Variants in ZNF138 observed in about 807,000 individuals in gnomAD.
ZNF138 encodes zinc finger protein 138 (clone pHZ-32).
Under a neutral mutation model 33.0 loss-of-function variants are expected in ZNF138, and 33 were observed. That is an observed-to-expected ratio of 1.00 (90% CI 0.76 to 1.34). The LOEUF is 1.34. Among genes scored for constraint, ZNF138 ranks in the 40% most tolerant of loss-of-function variants. The pLI, the probability that ZNF138 is intolerant of heterozygous loss-of-function variation, is 0.00. For synonymous variants in ZNF138, 139 were observed against 120.4 expected (o/e 1.15, Z -1.01); for missense variants, 360 against 370.8 (o/e 0.97, Z 0.24).
rs1212820760 is a variant in ZNF138, at chr7:64,809,472, GCGGC to G, written c.4-5445_4-5442del. Among the ~76,000 whole-genome samples, 71 of 12,512 alleles carry G rather than the reference GCGGC, an allele frequency of 5.7e-3. 5 individuals carry two copies. The highest frequency in any genetic ancestry group is 9.8e-3 in the Non-Finnish European group (44 of 4,484). The allele number at this position is 12,512 out of a possible 152,430, so 8.2% of individuals were successfully genotyped here. On this transcript the variant is annotated intron_variant, in intron 1 of 3. Transcript: ENST00000307355. ...CCCCTGAACCTCCCTCCCGGATGGG[GCGGC>G]TGGCCGGGCGGGGGGCTGACCCCCC...
the ZNF138 span, among the ~76,000 whole-genome samples, chr7:64,846,681 G>C: frequency 2.6e-5 from 4 of 152,028 alleles, no homozygotes; most frequent in Non-Finnish European, 5.9e-5. Context: ...GTGCTTTCTA[G>C]GTATACAATT....
chr7:64,843,371 A>C, the ZNF138 span, among the ~76,000 whole-genome samples: 1 of 152,226 alleles, frequency 6.6e-6, no homozygotes. Flanking sequence ...TTTTTTTGAG[A>C]AATCCTTATT....
At chr7:64,858,720 A>G in the ZNF138 span, among the ~76,000 whole-genome samples, 1 of 152,234 alleles carries the variant, frequency 6.6e-6, no homozygotes, top group African/African-American at 2.4e-5. Flanking sequence ...TACACTCTGC[A>G]TAGAAATGAG....
downstream of ZNF138, among the ~76,000 whole-genome samples, chr7:64,835,070 A>G (rs574382943): frequency 6.6e-5 from 10 of 152,212 alleles, no homozygotes; most frequent in South Asian, 1.0e-3. Flanking sequence ...AGGAGTGGGC[A>G]GGGTAGGGGC....
the ZNF138 span, among the ~76,000 whole-genome samples, chr7:64,848,517 GCTAT>G: frequency 4.6e-5 from 7 of 151,634 alleles, no homozygotes; most frequent in African/African-American, 1.2e-4. Context: ...TTTCGTTTAT[GCTAT>G]CTATTTCACT....
the ZNF138 span, among the ~76,000 whole-genome samples, chr7:64,840,273 C>G: frequency 6.6e-6 from 1 of 152,078 alleles, no homozygotes; most frequent in Non-Finnish European, 1.5e-5. Context: ...CCTATCCTAC[C>G]TTACTCAAGG....
chr7:64,810,782 C>G (rs1608894), intron 1 of ZNF138, among the ~76,000 whole-genome samples: 29,793 of 152,082 alleles, frequency 0.2, 3,880 homozygotes, highest in Non-Finnish European at 0.27. Context: ...CTGGCCCCAC[C>G]CTGGAGTCTT....
chr7:64,799,951 G>A (rs1787011097), intron 1 of ZNF138, among the ~76,000 whole-genome samples: 1 of 152,194 alleles, frequency 6.6e-6, no homozygotes, highest in Non-Finnish European at 1.5e-5. Flanking sequence ...CCCAGCCTGG[G>A]ATTATGTTTT....
intron 3 of ZNF138, among the ~76,000 whole-genome samples, chr7:64,816,305 T>A (rs1490400583): frequency 1.3e-5 from 2 of 152,084 alleles, no homozygotes; most frequent in African/African-American, 4.8e-5. Flanking sequence ...CATGGCACTT[T>A]AACAAAATTT....
At chr7:64,802,854 CT>C (rs1787255319) in intron 1 of ZNF138, among the ~76,000 whole-genome samples, 1 of 152,054 alleles carries the variant, frequency 6.6e-6, no homozygotes, top group Non-Finnish European at 1.5e-5. Context: ...AGTCACCCCC[CT>C]GCCCAACAGA....
chr7:64,853,309 T>G, the ZNF138 span: 1 of 1,611,008 alleles, frequency 6.2e-7, no homozygotes, highest in Non-Finnish European at 8.5e-7. Context: ...CGGAAGCTTT[T>G]GTCCAATTCG....
chr7:64,818,153 T>C (rs1477192739), intron 3 of ZNF138, among the ~76,000 whole-genome samples: 1 of 151,268 alleles, frequency 6.6e-6, no homozygotes, highest in Non-Finnish European at 1.5e-5. Flanking sequence ...CCAGCTAATT[T>C]TGTTGTATTT....
At chr7:64,803,258 G>GTTTT (rs60101981) in intron 1 of ZNF138, among the ~76,000 whole-genome samples, 136 of 113,038 alleles carry the variant, frequency 1.2e-3, no homozygotes, top group East Asian at 9.3e-3. Context: ...TTTGGCAAAG[G>GTTTT]TTTTTTTTTT....
intron 1 of ZNF138, among the ~76,000 whole-genome samples, chr7:64,811,944 G>C (rs1269390829): frequency 6.6e-6 from 1 of 152,184 alleles, no homozygotes; most frequent in East Asian, 1.9e-4. Context: ...TAAAGCTTGA[G>C]AGGTAATGCT....
chr7:64,804,356 G>A (rs1425039343), intron 1 of ZNF138, among the ~76,000 whole-genome samples: 5 of 152,112 alleles, frequency 3.3e-5, no homozygotes, highest in Admixed American at 6.6e-5. Context: ...TTGCTCAATT[G>A]ATCACAGCCT....
At chr7:64,853,917 C>A in the ZNF138 span, among the ~76,000 whole-genome samples, 20 of 151,806 alleles carry the variant, frequency 1.3e-4, no homozygotes, top group Admixed American at 3.9e-4. Context: ...CATCTTTAAT[C>A]GTTTGAACCC....
At chr7:64,822,517 A>G (rs569823138) in intron 3 of ZNF138, among the ~76,000 whole-genome samples, 1 of 151,602 alleles carries the variant, frequency 6.6e-6, no homozygotes, top group African/African-American at 2.4e-5. Context: ...GTGTTATCCA[A>G]TTTTCAACAT....
intron 1 of ZNF138, among the ~76,000 whole-genome samples, chr7:64,799,664 A>G (rs1786980794): frequency 6.6e-6 from 1 of 151,422 alleles, no homozygotes; most frequent in Non-Finnish European, 1.5e-5. Flanking sequence ...GTTTTTTGAG[A>G]TGGAGTTTCG....
chr7:64,814,253 A>G, intron 1 of ZNF138: 2 of 532,506 alleles, frequency 3.8e-6, no homozygotes, highest in Non-Finnish European at 5.1e-6. Flanking sequence ...AAAACTTGAG[A>G]GGTACCTTTT....
Sources: gnomAD v4.1 joint callset for allele counts (sites outside exome capture counted in the v4.1 genomes callset) on GRCh38, gnomAD v4.1.1 for gene constraint, MANE v1.5 for transcripts, NCBI Gene and HGNC (gene_info 2026-07-23, HGNC 2026-07-21) for gene names.